The following PARP6 variants were observed in gnomAD, a reference collection of about 807,000 sequenced individuals.
PARP6 encodes the protein poly(ADP-ribose) polymerase family member 6, also known as protein mono-ADP-ribosyltransferase PARP6.
A neutral mutation model predicts 92.0 loss-of-function variants in PARP6; 27 were observed. That is an observed-to-expected ratio of 0.29 (90% CI 0.22 to 0.40). The LOEUF (loss-of-function observed/expected upper bound fraction) is 0.40. PARP6 is among the 10% of genes least tolerant of loss of function. PARP6 has a pLI of 1.00. For synonymous variants in PARP6, 272 were observed against 281.2 expected, an observed-to-expected ratio of 0.97 and a Z score of 0.33; for missense variants, 501 against 784.5, an observed-to-expected ratio of 0.64 and a Z score of 4.32.
chr15:72,267,047 A>G, intron 3 of PARP6: 1 of 528,004 alleles, frequency 1.9e-6, no homozygotes, highest in Admixed American at 3.3e-5. Context: ...AGAGGAAAAC[A>G]TCTAGGGAAT....
chr15:72,250,390 A>G, intron 18 of PARP6: 3 of 357,420 alleles, frequency 8.4e-6, no homozygotes, highest in South Asian at 3.7e-5. Flanking sequence ...TTCAAATTCA[A>G]TAAATTCATC....
At chr15:72,258,378 A>C (rs1229915482) in intron 11 of PARP6, among the ~76,000 whole-genome samples, 1 of 152,238 alleles carries the variant, frequency 6.6e-6, no homozygotes, top group Non-Finnish European at 1.5e-5. Context: ...TCTAATACTT[A>C]ATGGCATATA....
Position 72,260,667 on chromosome 15 carries a change from T to A in PARP6, c.567A>T (p.Ile189=). The part of the protein sequence containing the change: ...PIPKSPSFPI[I]QDSMLKGKLG... ...GTTTGCCTTTCAGCATGGAGTCCTG[T>A]ATGATAGGGAAACTGGGAGACCTGC... is the stretch of plus-strand genomic sequence containing the variant. Residue 189 remains isoleucine, a synonymous_variant, in exon 10 of 24, where the codon ATA becomes ATT. Coordinates refer to ENST00000569795, the MANE Select transcript of PARP6 (RefSeq NM_001323532.2). 1 of 1,613,714 alleles carries A rather than the reference T, an allele frequency of 6.2e-7. No homozygotes were observed. The highest frequency in any genetic ancestry group is 1.7e-4 in the Middle Eastern group (1 of 6,060).
At chr15:72,269,713 A>C (rs2087105442) in intron 2 of PARP6, among the ~76,000 whole-genome samples, 1 of 151,902 alleles carries the variant, frequency 6.6e-6, no homozygotes, top group Non-Finnish European at 1.5e-5. Flanking sequence ...CAGCATGGCC[A>C]ACATGGTGAA....
chr15:72,270,903 A>G (rs1395330327), intron 2 of PARP6, 120 bp downstream of exon 2: 1 of 152,268 alleles, frequency 6.6e-6, no homozygotes, highest in Admixed American at 6.5e-5. Context: ...ATGAGAGAAT[A>G]AATGAATGAA....
chr15:72,259,357 T>A (rs1250912303), intron 11 of PARP6, among the ~76,000 whole-genome samples: 1 of 152,250 alleles, frequency 6.6e-6, no homozygotes, highest in Non-Finnish European at 1.5e-5. Context: ...TCATGTCATA[T>A]GAGTCTCGAC....
rs2083154540 is a variant in PARP6 at position 72,242,365 on chromosome 15, C to T, written c.1642-145G>A. 1 of 686,350 alleles carries T rather than the reference C, an allele frequency of 1.5e-6. No individual in the cohort carries two copies. Among genetic ancestry groups the T allele is most frequent in the Non-Finnish European group, 2.5e-6 (1 of 395,380 alleles). 42.5% of individuals were successfully genotyped at this position (686,350 alleles called of 1,614,324 possible). A position where few individuals can be genotyped will look rare whatever the true frequency, so the allele number is the denominator to read the frequency against. On this transcript the variant is annotated intron_variant, in intron 21 of 23. Transcript: ENST00000569795. This position sits in a 1 kb window ranked among gnomAD's most constrained non-coding sequence, Gnocchi z 4.3. ...ACCCCTCGCCGCCCAGAAAATTCTT[C>T]TTTCCCATAATCAGTCTGGATAGGG...
intron 8 of PARP6, 49 bp downstream of exon 8, chr15:72,264,502 CCTCT>C: frequency 1.5e-6 from 2 of 1,354,176 alleles, no homozygotes; most frequent in Middle Eastern, 1.8e-4. Flanking sequence ...TATATTTCCA[CCTCT>C]CTCTCCTTCC....
chr15:72,267,812 C>T (rs1041549054), intron 2 of PARP6, 141 bp from the exon 3 acceptor site: 27 of 228,242 alleles, frequency 1.2e-4, no homozygotes, highest in Admixed American at 2.7e-4. Context: ...AGTGCAATGG[C>T]GCGATCTTGG....
rs1290528720 is a variant in PARP6, at chr15:72,258,082, C to A, written c.861G>T (p.Val287=). 1.1e-5 allele frequency: 18 copies of A among 1,613,804 alleles called. No individual in the cohort carries two copies. Among genetic ancestry groups the A allele is most frequent in the Non-Finnish European group, 1.4e-5 (17 of 1,179,798 alleles). Residue 287 remains valine (V), a synonymous_variant, in exon 12 of 24, where the codon GTG becomes GTT. Transcript: ENST00000569795. ...GGAAGACATGCTGCTCATCACACAC[C>A]ACACAGTACTCATTCAATGTTGGAA... ...QRIPTLNEYC[V]VCDEQHVFQN... is the part of the protein sequence containing the mutation.
chr15:72,248,150 C>T (rs1322241343), intron 20 of PARP6, among the ~76,000 whole-genome samples: 1 of 152,078 alleles, frequency 6.6e-6, no homozygotes, highest in Non-Finnish European at 1.5e-5. Flanking sequence ...TGTCCTTTTT[C>T]TCTTAATCTA....
intron 17 of PARP6, 119 bp from the exon 18 acceptor site, chr15:72,251,073 G>T: frequency 3.0e-6 from 3 of 984,806 alleles, no homozygotes; most frequent in Non-Finnish European, 4.9e-6. Flanking sequence ...AGGGAAATAT[G>T]CTAAGGCCCA....
intron 20 of PARP6, among the ~76,000 whole-genome samples, chr15:72,246,973 G>T (rs978306429): frequency 6.6e-6 from 1 of 152,012 alleles, no homozygotes; most frequent in African/African-American, 2.4e-5. Context: ...GGTCAGGCTG[G>T]TCTCAAACTC....
chr15:72,258,943 A>G (rs1411609814), intron 11 of PARP6, among the ~76,000 whole-genome samples: 1 of 152,246 alleles, frequency 6.6e-6, no homozygotes, highest in Non-Finnish European at 1.5e-5. Flanking sequence ...TTGTTTTCTC[A>G]GAAGCTGAAC....
chr15:72,250,442 C>T (rs182928839), intron 18 of PARP6: 15 of 315,738 alleles, frequency 4.8e-5, no homozygotes, highest in Non-Finnish European at 6.6e-5. Flanking sequence ...ATATGGCTTC[C>T]AGTTCTGACT....
intron 3 of PARP6, 135 bp downstream of exon 3, chr15:72,267,340 C>A: frequency 1.1e-6 from 1 of 942,690 alleles, no homozygotes. Context: ...TGCCCCTTCC[C>A]TTTCCTTTAA....
intron 18 of PARP6, 70 bp from the exon 19 acceptor site, chr15:72,250,162 T>C (rs1211271393): frequency 8.7e-6 from 8 of 918,228 alleles, no homozygotes; most frequent in Non-Finnish European, 1.5e-5. Context: ...AAGACTGCCA[T>C]TCCCACCCAT....
chr15:72,245,081 G>C (rs1417396132), intron 20 of PARP6: 4 of 150,814 alleles, frequency 2.7e-5, no homozygotes, highest in Non-Finnish European at 5.9e-5. Context: ...TGCCCCCATG[G>C]GCCAGGCACA....
rs2086322344 is a variant in PARP6 at position 72,264,596 on chromosome 15, T to C, written c.354A>G (p.Pro118=). The change falls in exon 8 of 24, where the codon CCA becomes CCG. Residue 118 remains proline (P), a synonymous_variant. Coordinates refer to ENST00000569795, the MANE Select transcript of PARP6 (RefSeq NM_001323532.2). ...GPEPSIEVFQ[P]SNKEGFGLGL... is the part of the protein sequence containing the mutation. ...CCAGCCCAAATCCTTCCTTATTTGA[T>C]GGCTGGAAAACCTCAATGGATGGTT... 1.2e-6 allele frequency: 2 copies of C among 1,613,950 alleles called. No individual in the cohort carries two copies. Among genetic ancestry groups the C allele is most frequent in the South Asian group, 1.1e-5 (1 of 91,084 alleles).
Sources: allele counts gnomAD v4.1 joint callset (sites outside exome capture counted in the v4.1 genomes callset), GRCh38; gene constraint gnomAD v4.1.1; non-coding constraint Gnocchi (gnomAD v3.1); transcripts MANE v1.5; gene names NCBI Gene and HGNC (gene_info 2026-07-23, HGNC 2026-07-21).